FAM241B: variants seen among roughly 807,000 people sequenced by gnomAD.
FAM241B encodes the protein protein FAM241B.
Under a neutral mutation model 9.3 loss-of-function variants are expected in FAM241B, and 7 were observed. The ratio of observed to expected loss-of-function variants is 0.75; its 90% CI spans 0.43 to 1.41. The LOEUF is 1.41. Among genes scored for constraint, FAM241B ranks in the 40% most tolerant of loss-of-function variants. The pLI, the probability that FAM241B is intolerant of heterozygous loss-of-function variation, is 0.01. For missense variants in FAM241B, 136 were observed against 159.6 expected, an observed-to-expected ratio of 0.85 and a Z score of 0.80; for synonymous variants, 60 against 64.1, an observed-to-expected ratio of 0.94 and a Z score of 0.31.
Position 69,633,051 on chromosome 10 carries a change from CA to C in FAM241B, c.359del (p.Gln120ArgfsTer5). On this transcript the variant is annotated frameshift_variant, in exon 4 of 4. Coordinates refer to ENST00000373279, the MANE Select transcript of FAM241B (RefSeq NM_145306.3). LOFTEE classifies it high-confidence loss of function. The stretch of plus-strand genomic sequence containing the variant: ...TGTCTACCTGGTGTCCCACCTGAGT[CA>C]GCGGTGACCTCTGAGGGCTGATAGG... ...GLVYLVSHLS[Q>X]R 6.2e-7 allele frequency: 1 copy of C among 1,614,110 alleles called. No individual in the cohort carries two copies. Among genetic ancestry groups the C allele is most frequent in the Non-Finnish European group, 8.5e-7 (1 of 1,180,026 alleles).
chr10:69,632,850 G>T lies in FAM241B; in HGVS notation c.157G>T (p.Ala53Ser). The change falls in exon 4 of 4, where the codon GCA (alanine) becomes TCA (serine). Residue 53 changes from alanine (A) to serine (S), a missense_variant. Coordinates refer to ENST00000373279, the MANE Select transcript of FAM241B (RefSeq NM_145306.3). ...GGGTCCTGGCCCCCGCCAGCAGCAG[G>T]CAGGTGCCAGGCTGGGTGCTGCTCA... is the stretch of plus-strand genomic sequence containing the variant. ...PGGPGPRQQQ[A>S]GARLGAAQSP... 6.2e-7 allele frequency: 1 copy of T among 1,614,216 alleles called. No individual in the cohort carries two copies. The highest frequency in any genetic ancestry group is 8.5e-7 in the Non-Finnish European group (1 of 1,180,040).
intron 2 of FAM241B, 38 bp downstream of exon 2, chr10:69,631,585 A>G (rs1241225052): frequency 1.4e-5 from 22 of 1,546,902 alleles, no homozygotes; most frequent in Non-Finnish European, 1.7e-5. Context: ...GGTCAGGGGG[A>G]AAATCCTCCA....
Position 69,631,743 on chromosome 10 carries a change from G to T in FAM241B, c.-1G>T, listed in dbSNP as rs763655412. 4 of 1,612,576 alleles carry T rather than the reference G, an allele frequency of 2.5e-6. No individual in the cohort carries two copies. The highest frequency in any genetic ancestry group is 2.5e-6 in the Non-Finnish European group (3 of 1,179,670). On this transcript the variant is annotated 5_prime_UTR_variant, in exon 3 of 4. Transcript: ENST00000373279. ...ATCAGGGACCCACAGCGCCTGGGAG[G>T]ATGGTGCGGATCTTGGCCAATGGGG...
In FAM241B at chr10:69,631,789, C is replaced by G. The variant is rs749322086; in HGVS notation, c.46C>G (p.Pro16Ala). 1 of 1,613,164 alleles carries G rather than the reference C, an allele frequency of 6.2e-7. No individual in the cohort carries two copies. Among genetic ancestry groups the G allele is most frequent in the African/African-American group, 1.3e-5 (1 of 74,902 alleles). ...ANGEIVQDDD[P>A]RVRTTTQPPR... is the part of the protein sequence containing the mutation. ...TGGGGAAATCGTGCAGGATGACGAC[C>G]CCCGAGTGAGGACCACTACCCAGCC... Residue 16 changes from proline (P) to alanine (A), a missense_variant, in exon 3 of 4, where the codon CCC becomes GCC. Transcript: ENST00000373279.
In FAM241B at chr10:69,633,214, C is replaced by A; in HGVS notation, c.*155C>A. On this transcript the variant is annotated 3_prime_UTR_variant, in exon 4 of 4. Coordinates refer to ENST00000373279, the MANE Select transcript of FAM241B (RefSeq NM_145306.3). ...TTTCCCCTTTGTGTTAAGCGTGAGG[C>A]AGAGGGAGACGTTAGTCCAGCATTT... The A allele has an allele frequency of 8.7e-7, 1 of 1,147,948 alleles. No homozygotes were observed. Among genetic ancestry groups the A allele is most frequent in the Non-Finnish European group, 1.2e-6 (1 of 811,456 alleles). The allele number at this position is 1,147,948 out of a possible 1,614,324, so 71.1% of individuals were successfully genotyped here. A position where few individuals can be genotyped will look rare whatever the true frequency, so the allele number is the denominator to read the frequency against.
In FAM241B at chr10:69,633,064, T is replaced by G. The variant is rs774960137; in HGVS notation, c.*5T>G. ...TCCCACCTGAGTCAGCGGTGACCTC[T>G]GAGGGCTGATAGGGGTGGGTTTGTT... is the stretch of plus-strand genomic sequence containing the variant. On this transcript the variant is annotated 3_prime_UTR_variant, in exon 4 of 4. Coordinates refer to ENST00000373279, the MANE Select transcript of FAM241B (RefSeq NM_145306.3). 1 of 1,613,966 alleles carries G rather than the reference T, an allele frequency of 6.2e-7. No homozygotes were observed.
intron 1 of FAM241B, among the ~76,000 whole-genome samples, chr10:69,630,812 G>C (rs1839805010): frequency 6.6e-6 from 1 of 152,198 alleles, no homozygotes; most frequent in African/African-American, 2.4e-5. Flanking sequence ...GGGAAGGCTG[G>C]GCCCTGCGCC....
chr10:69,632,457 CAAAAA>C (rs58019486), intron 3 of FAM241B, among the ~76,000 whole-genome samples: 49,297 of 108,686 alleles, frequency 0.45, 9,072 homozygotes, highest in East Asian at 0.59. Context: ...GACTCCGTCT[CAAAAA>C]AAAAAAAAAA....
intron 1 of FAM241B, chr10:69,630,698 GC>G: frequency 7.8e-7 from 1 of 1,288,764 alleles, no homozygotes; most frequent in African/African-American, 1.5e-5. Context: ...AGAATGAATG[GC>G]CTTTACCCAG....
In FAM241B at chr10:69,633,379, G is replaced by A. The variant is rs1002930281; in HGVS notation, c.*320G>A. The A allele has an allele frequency of 2.8e-5, 11 of 389,282 alleles. No individual in the cohort carries two copies. In the Admixed American group the frequency reaches 3.4e-4, roughly 12 times the overall value. 24.1% of individuals were successfully genotyped at this position (389,282 alleles called of 1,614,324 possible). On this transcript the variant is annotated 3_prime_UTR_variant, in exon 4 of 4. Transcript: ENST00000373279. ...CTTTTATGCCGAGAAGATCTCAGCT[G>A]GATGCCAACATGTTCCGATGCCTGT...
At chr10:69,631,595 A>G (rs41277944) in intron 2 of FAM241B, 48 bp downstream of exon 2, 60,417 of 1,547,380 alleles carry the variant, frequency 0.039, 2,410 homozygotes, top group East Asian at 0.24. Context: ...AAAATCCTCC[A>G]CAGATCTTCA....
chr10:69,631,604 C>T, intron 2 of FAM241B, 57 bp downstream of exon 2: 1 of 1,548,202 alleles, frequency 6.5e-7, no homozygotes, highest in Non-Finnish European at 8.7e-7. Context: ...CACAGATCTT[C>T]ACGAGTCTGG....
chr10:69,630,566 A>C, intron 1 of FAM241B: 2 of 1,147,366 alleles, frequency 1.7e-6, no homozygotes, highest in Middle Eastern at 2.5e-4. Flanking sequence ...GGGCTTCAGG[A>C]GGGGGACGCG....
rs1839863095 is a variant in FAM241B, at chr10:69,633,258, C to T, written c.*199C>T. The stretch of plus-strand genomic sequence containing the variant: ...AGCATTTCCAAAGTGTGGGTGGGTC[C>T]GTTGGTTCCCAAGATACTTTTAGGT... On this transcript the variant is annotated 3_prime_UTR_variant, in exon 4 of 4. Transcript: ENST00000373279. 7 of 765,654 alleles carry T rather than the reference C, an allele frequency of 9.1e-6. No homozygotes were observed. Among genetic ancestry groups the T allele is most frequent in the East Asian group, 2.7e-5 (1 of 37,348 alleles). 47.4% of individuals were successfully genotyped at this position (765,654 alleles called of 1,614,324 possible).
intron 1 of FAM241B, chr10:69,630,808 G>A: frequency 3.3e-6 from 2 of 605,136 alleles, no homozygotes; most frequent in Non-Finnish European, 4.7e-6. Flanking sequence ...TTTTGGGAAG[G>A]CTGGGCCCTG....
Position 69,632,923 on chromosome 10 carries a change from C to T in FAM241B, c.230C>T (p.Pro77Leu), listed in dbSNP as rs776046091. The change falls in exon 4 of 4, where the codon CCG (proline) becomes CTG (leucine). Residue 77 changes from proline to leucine, a missense_variant. By Grantham distance (98) the Pro-to-Leu change is moderately conservative. Transcript: ENST00000373279. ...LNRQLVNMGF[P>L]QWHLGNHAVE... ...CGGCAGCTGGTGAACATGGGCTTTC[C>T]GCAGTGGCATCTTGGCAACCATGCT... The T allele has an allele frequency of 2.2e-5, 36 of 1,614,090 alleles. No homozygotes were observed. Among genetic ancestry groups the T allele is most frequent in the Admixed American group, 1.8e-4 (11 of 60,012 alleles).
In FAM241B at chr10:69,632,850, G is replaced by A; in HGVS notation, c.157G>A (p.Ala53Thr). The A allele has an allele frequency of 6.2e-7, 1 of 1,614,216 alleles. No individual in the cohort carries two copies. The highest frequency in any genetic ancestry group is 8.5e-7 in the Non-Finnish European group (1 of 1,180,040). ...PGGPGPRQQQ[A>T]GARLGAAQSP... is the part of the protein sequence containing the mutation. ...GGGTCCTGGCCCCCGCCAGCAGCAG[G>A]CAGGTGCCAGGCTGGGTGCTGCTCA... is the stretch of plus-strand genomic sequence containing the variant. Residue 53 changes from alanine to threonine, a missense_variant, in exon 4 of 4, where the codon GCA becomes ACA. Transcript: ENST00000373279.
intron 1 of FAM241B, 92 bp from the exon 2 acceptor site, chr10:69,631,388 T>C: frequency 9.2e-7 from 1 of 1,082,184 alleles, no homozygotes; most frequent in Middle Eastern, 2.3e-4. Flanking sequence ...TTGCCAAGGA[T>C]CTTTTTGATA....
At chr10:69,630,576 G>C (rs1158703235) in intron 1 of FAM241B, 1 of 1,212,272 alleles carries the variant, frequency 8.2e-7, no homozygotes, top group South Asian at 1.4e-5. Flanking sequence ...AGGGGGACGC[G>C]CCTGTCCCGG....
Sources: allele counts gnomAD v4.1 joint callset (sites outside exome capture counted in the v4.1 genomes callset), GRCh38; gene constraint gnomAD v4.1.1; transcripts MANE v1.5; gene names NCBI Gene and HGNC (gene_info 2026-07-23, HGNC 2026-07-21).